COL26A1: variants seen among roughly 807,000 people sequenced by gnomAD.
COL26A1 encodes the protein collagen type XXVI alpha 1 chain.
A neutral mutation model predicts 59.3 loss-of-function variants in COL26A1; 41 were observed. That is an observed-to-expected ratio of 0.69 (90% confidence interval 0.54 to 0.90). The LOEUF (loss-of-function observed/expected upper bound fraction) is 0.90. Among genes scored for constraint, COL26A1 ranks in the 40% least tolerant of loss-of-function variants. The probability of loss-of-function intolerance (pLI) is 0.00; values close to 1 mark genes in which losing one functional copy is unlikely to be tolerated. For synonymous variants in COL26A1, 266 were observed against 256.0 expected, an observed-to-expected ratio of 1.04 and a Z score of -0.37; for missense variants, 612 against 602.3, an observed-to-expected ratio of 1.02 and a Z score of -0.17.
At chr7:101,442,184 C>T (rs569509241) in intron 2 of COL26A1, among the ~76,000 whole-genome samples, 45 of 152,002 alleles carry the variant, frequency 3.0e-4, no homozygotes, top group Non-Finnish European at 5.6e-4. Context: ...CTCTCGTAGT[C>T]GGAAGACCAT....
chr7:101,490,113 T>A (rs986230706), intron 3 of COL26A1, among the ~76,000 whole-genome samples: 81 of 151,342 alleles, frequency 5.4e-4, no homozygotes, highest in African/African-American at 1.9e-3. Flanking sequence ...ATTTTTGTAT[T>A]TTTCAGTAGA....
In COL26A1 at chr7:101,385,246, T is replaced by TACAC. The variant is rs1165642375; in HGVS notation, c.158+22057_158+22058insCACA. Among the ~76,000 whole-genome samples the TACAC allele has an allele frequency of 6.9e-3, 1,007 of 145,162 alleles. 4 individuals carry two copies. The highest frequency in any genetic ancestry group is 0.012 in the Non-Finnish European group (758 of 64,910). Reference sequence around the variant, plus strand: ...CACACACACACTATATATATATATATATATACACACACACACATATATATG... The same window carrying TACAC: ...CACACACACACTATATATATATATATACACATATACACACACACACATATATATG... On this transcript the variant is annotated intron_variant, in intron 1 of 12. Coordinates refer to ENST00000313669, the MANE Select transcript of COL26A1 (RefSeq NM_001278563.3).
chr7:101,374,680 A>G (rs928948737), intron 1 of COL26A1, among the ~76,000 whole-genome samples: 3 of 152,190 alleles, frequency 2.0e-5, no homozygotes, highest in African/African-American at 4.8e-5. Flanking sequence ...GCAGGAAAAC[A>G]AGCTCAGGGC....
intron 9 of COL26A1, 69 bp downstream of exon 9, chr7:101,549,292 G>A: frequency 9.5e-7 from 1 of 1,055,066 alleles, no homozygotes; most frequent in African/African-American, 1.6e-5. Flanking sequence ...TCTCCCTAGG[G>A]GAGAAGAAGC....
intron 2 of COL26A1, among the ~76,000 whole-genome samples, chr7:101,440,723 T>C (rs1793036146): frequency 6.6e-6 from 1 of 152,178 alleles, no homozygotes; most frequent in Non-Finnish European, 1.5e-5. Flanking sequence ...CCCAGCACTT[T>C]GGGAGGCCAA....
At chr7:101,454,219 A>G (rs1157117353) in intron 3 of COL26A1, among the ~76,000 whole-genome samples, 1 of 151,896 alleles carries the variant, frequency 6.6e-6, no homozygotes, top group African/African-American at 2.4e-5. Context: ...CTCAAACTGC[A>G]AAGAAGTGTC....
At chr7:101,555,741 C>G in intron 11 of COL26A1, 46 bp from the exon 12 acceptor site, 1 of 1,479,008 alleles carries the variant, frequency 6.8e-7, no homozygotes, top group Non-Finnish European at 9.3e-7. Flanking sequence ...GGCCCTGACC[C>G]CTTCCTCATG....
chr7:101,423,803 C>A (rs936717607), intron 2 of COL26A1, among the ~76,000 whole-genome samples: 1 of 152,094 alleles, frequency 6.6e-6, no homozygotes, highest in Non-Finnish European at 1.5e-5. Flanking sequence ...TTCTCACTCA[C>A]TCCTTGGAGT....
At chr7:101,501,197 AAAAAGAAAAG>A (rs1794697843) in intron 3 of COL26A1, among the ~76,000 whole-genome samples, 15 of 143,882 alleles carry the variant, frequency 1.0e-4, no homozygotes, top group African/African-American at 2.1e-4. Context: ...AAAAAAAAAA[AAAAAGAAAAG>A]AAAAGAAAAG....
At chr7:101,506,708 C>T (rs1319603859) in intron 3 of COL26A1, among the ~76,000 whole-genome samples, 1 of 152,244 alleles carries the variant, frequency 6.6e-6, no homozygotes, top group African/African-American at 2.4e-5. Context: ...ACCACGGTCC[C>T]TAAGGAGAGT....
In COL26A1 at chr7:101,528,902, A is replaced by G. The variant is rs543167156; in HGVS notation, c.386-4180A>G. Among the ~76,000 whole-genome samples the G allele has an allele frequency of 2.1e-4, 32 of 152,264 alleles. 2 individuals carry two copies. In the South Asian group the frequency reaches 6.4e-3, roughly 31 times the overall value. ...ATTTTAAGGCTAGGTGCTGTGGCTC[A>G]CGCCTGTCATCTCAGCTCTTTGGGA... On this transcript the variant is annotated intron_variant, in intron 3 of 12. Transcript: ENST00000313669.
chr7:101,551,036 G>C (rs886953344), intron 9 of COL26A1, 72 bp from the exon 10 acceptor site: 1 of 1,464,848 alleles, frequency 6.8e-7, no homozygotes, highest in African/African-American at 1.4e-5. Context: ...GGCGGGGAGG[G>C]GGGTGGCCAG....
chr7:101,480,029 TC>T lies in COL26A1; in HGVS notation c.385+32244del, dbSNP rs139073074. ...TAAGAGTCAGGGTCTCACTAGTTTT[TC>T]CAGACTGTTCTTGAACTCCTGGGCT... is the stretch of plus-strand genomic sequence containing the variant. On this transcript the variant is annotated intron_variant, in intron 3 of 12. Transcript: ENST00000313669. Among the ~76,000 whole-genome samples, 951 of 152,300 alleles carry T rather than the reference TC, an allele frequency of 6.2e-3. 9 individuals are homozygous for T. Among genetic ancestry groups the T allele is most frequent in the Admixed American group, 9.3e-3 (142 of 15,278 alleles).
At chr7:101,415,168 T>TTTTTA (rs1259111538) in intron 1 of COL26A1, among the ~76,000 whole-genome samples, 1 of 151,676 alleles carries the variant, frequency 6.6e-6, no homozygotes, top group Admixed American at 6.6e-5. Flanking sequence ...TTTTTTTTTT[T>TTTTTA]GAGACGGAGT....
rs59966789 is a variant in COL26A1 at position 101,394,585 on chromosome 7, CTTTTTTT to C, written c.159-25380_159-25374del. Among the ~76,000 whole-genome samples the C allele has an allele frequency of 1.5e-3, 179 of 122,806 alleles. 1 individual carries two copies. Among genetic ancestry groups the C allele is most frequent in the African/African-American group, 5.2e-3 (170 of 32,508 alleles). 80.6% of individuals were successfully genotyped at this position (122,806 alleles called of 152,430 possible). A position where few individuals can be genotyped will look rare whatever the true frequency, so the allele number is the denominator to read the frequency against. On this transcript the variant is annotated intron_variant, in intron 1 of 12. Coordinates refer to ENST00000313669, the MANE Select transcript of COL26A1 (RefSeq NM_001278563.3). ...CCACGCCTAGCTATTTTTTTCTTTTCTTTTTTTTTTTTTTTTTTGTAGAGATGGGGTC... is the reference window on the plus strand; with the variant it reads ...CCACGCCTAGCTATTTTTTTCTTTTCTTTTTTTTTTTGTAGAGATGGGGTC...
intron 1 of COL26A1, among the ~76,000 whole-genome samples, chr7:101,379,990 A>G (rs28689815): frequency 2.0e-5 from 3 of 151,912 alleles, no homozygotes; most frequent in Non-Finnish European, 4.4e-5. Context: ...TTACTTACTT[A>G]CTTTCTTTTT....
intron 3 of COL26A1, among the ~76,000 whole-genome samples, chr7:101,514,891 G>A (rs779113735): frequency 1.3e-5 from 2 of 152,210 alleles, no homozygotes; most frequent in African/African-American, 4.8e-5. Flanking sequence ...CTCCCTTCCC[G>A]GCTCCTCCCA....
intron 1 of COL26A1, among the ~76,000 whole-genome samples, chr7:101,391,854 C>CTTTCTTTTCTTTCCTTTTCT (rs748948397): frequency 3.4e-3 from 503 of 149,352 alleles, no homozygotes; most frequent in African/African-American, 0.011. Context: ...CATGCCAAGC[C>CTTTCTTTTCTTTCCTTTTCT]TTTCTTTTCT....
intron 3 of COL26A1, among the ~76,000 whole-genome samples, chr7:101,527,883 G>T (rs1157943981): frequency 6.6e-6 from 1 of 151,942 alleles, no homozygotes; most frequent in African/African-American, 2.4e-5. Context: ...GTTCGGGCAG[G>T]GCCTCCTCTG....
Sources: gnomAD v4.1 joint callset for allele counts (sites outside exome capture counted in the v4.1 genomes callset) on GRCh38, gnomAD v4.1.1 for gene constraint, MANE v1.5 for transcripts, NCBI Gene and HGNC (gene_info 2026-07-23, HGNC 2026-07-21) for gene names.